HIVEP3: variants seen among roughly 807,000 people sequenced by gnomAD.
HIVEP3 encodes the protein transcription factor HIVEP3.
In HIVEP3, 49 loss-of-function variants were observed where a neutral mutation model predicts 152.8. That is an observed-to-expected ratio of 0.32 (90% confidence interval 0.26 to 0.41). The LOEUF is 0.41. Among genes scored for constraint, HIVEP3 ranks in the 10% least tolerant of loss-of-function variants. HIVEP3 has a pLI of 1.00. For missense variants in HIVEP3, 2,790 were observed against 3,103.3 expected (o/e 0.90, Z 2.40); for synonymous variants, 1,269 against 1,289.0 (o/e 0.98, Z 0.33).
intron 1 of HIVEP3, among the ~76,000 whole-genome samples, chr1:41,901,758 G>A (rs1235020338): frequency 6.6e-6 from 1 of 152,156 alleles, no homozygotes; most frequent in African/African-American, 2.4e-5. Flanking sequence ...GTGACACCAT[G>A]CACACAGCCC....
chr1:41,662,885 C>T lies in HIVEP3; in HGVS notation c.-720-33938G>A, dbSNP rs957401156. On this transcript the variant is annotated intron_variant, in intron 2 of 8. Transcript: ENST00000372583. The surrounding 1 kb of genome is among the most constrained non-coding windows in gnomAD (Gnocchi z 7.2). ...CAAAGTGTGCGCTCCCCGCCTTCCC[C>T]CTGGGTGCCAGCCGGGCTCCGGGAA... 8.5e-5 allele frequency among the ~76,000 whole-genome samples: 13 copies of T among 152,252 alleles called. No individual in the cohort carries two copies. Among genetic ancestry groups the T allele is most frequent in the Admixed American group, 7.8e-4 (12 of 15,306 alleles).
In HIVEP3 at chr1:41,729,368, T is replaced by G. The variant is rs529723021; in HGVS notation, c.-800-28373A>C. On this transcript the variant is annotated intron_variant, in intron 1 of 8. Transcript: ENST00000372583. ...TCCAACTCTGTAAATCAACTGCTCA[T>G]CTGCAAAACTGGCAAGAAACTGAGA... 7.9e-5 allele frequency among the ~76,000 whole-genome samples: 12 copies of G among 152,336 alleles called. No individual in the cohort carries two copies. In the East Asian group the frequency reaches 2.3e-3, roughly 29 times the overall value.
intron 2 of HIVEP3, among the ~76,000 whole-genome samples, chr1:41,677,137 A>T (rs1379977427): frequency 6.6e-6 from 1 of 152,186 alleles, no homozygotes; most frequent in African/African-American, 2.4e-5. Flanking sequence ...GAGCTCCACC[A>T]CCTACTCATC....
rs748559525 is a variant in HIVEP3 at position 41,534,932 on chromosome 1, G to A, written c.5208-10022C>T. ...CTTGGTTCTGCTCTTGTTGGAACTC[G>A]CCAGGTGACCTTGGGCAAGTCACTT... On this transcript the variant is annotated intron_variant, in intron 5 of 8. Coordinates refer to ENST00000372583, the MANE Select transcript of HIVEP3 (RefSeq NM_024503.5). Among the ~76,000 whole-genome samples, 5 of 152,172 alleles carry A rather than the reference G, an allele frequency of 3.3e-5. No homozygotes were observed. In the South Asian group the frequency reaches 6.2e-4, roughly 19 times the overall value.
intron 1 of HIVEP3, among the ~76,000 whole-genome samples, chr1:41,814,015 A>G (rs1321862129): frequency 6.6e-6 from 1 of 151,294 alleles, no homozygotes; most frequent in Non-Finnish European, 1.5e-5. Flanking sequence ...CCTCCTCCCC[A>G]CCCCTACACG....
intron 1 of HIVEP3, among the ~76,000 whole-genome samples, chr1:41,903,343 T>G (rs1264420540): frequency 6.6e-6 from 1 of 152,200 alleles, no homozygotes; most frequent in East Asian, 1.9e-4. Context: ...GCTGCCAGAC[T>G]CTCTGTGCCT....
In HIVEP3 at chr1:41,662,240, G is replaced by T. The variant is rs1645726162; in HGVS notation, c.-720-33293C>A. On this transcript the variant is annotated intron_variant, in intron 2 of 8. Transcript: ENST00000372583. This position sits in a 1 kb window ranked among gnomAD's most constrained non-coding sequence, Gnocchi z 7.2. ...CCGCGCGGCTCGGCAGCGCCCGCGC[G>T]CTCGGCTCCGCCCGGCTCGGCTCCG... 6.9e-6 allele frequency: 1 copy of T among 144,022 alleles called. No individual in the cohort carries two copies. Among genetic ancestry groups the T allele is most frequent in the Non-Finnish European group, 1.6e-5 (1 of 64,318 alleles). 8.9% of individuals were successfully genotyped at this position (144,022 alleles called of 1,614,324 possible).
chr1:41,824,798 GAGAGAGAGAGAGAGAGAGAGAA>G (rs1274513421), intron 1 of HIVEP3, among the ~76,000 whole-genome samples: 7,660 of 24,728 alleles, frequency 0.31, 420 homozygotes, highest in East Asian at 0.44. Flanking sequence ...GAGAGAGAGA[GAGAGAGAGAGAGAGAGAGAGAA>G]AGAGAGAGAG....
intron 2 of HIVEP3, among the ~76,000 whole-genome samples, chr1:41,659,815 C>T (rs1645684886): frequency 6.6e-6 from 1 of 152,268 alleles, no homozygotes; most frequent in African/African-American, 2.4e-5. Context: ...CTGCAAAGCA[C>T]TCCCACATGC....
intron 1 of HIVEP3, among the ~76,000 whole-genome samples, chr1:41,727,582 G>A (rs1163596633): frequency 6.6e-6 from 1 of 152,274 alleles, no homozygotes; most frequent in African/African-American, 2.4e-5. Context: ...TCCAGAGGAA[G>A]TGGCTGAGGG....
intron 1 of HIVEP3, among the ~76,000 whole-genome samples, chr1:41,950,144 A>G (rs982580592): frequency 6.6e-6 from 1 of 152,188 alleles, no homozygotes; most frequent in African/African-American, 2.4e-5. Context: ...CTAATTAGGC[A>G]AAAACAGGAG....
At chr1:41,966,475 C>T (rs377294669) in intron 1 of HIVEP3, among the ~76,000 whole-genome samples, 141 of 95,752 alleles carry the variant, frequency 1.5e-3, no homozygotes, top group Middle Eastern at 0.011. Context: ...GTGCTGTATT[C>T]TTTTTTTTTT....
chr1:41,956,375 T>C (rs1645140567), intron 1 of HIVEP3, among the ~76,000 whole-genome samples: 1 of 152,132 alleles, frequency 6.6e-6, no homozygotes, highest in African/African-American at 2.4e-5. Context: ...TGTGAGTTCT[T>C]AGGAGAAATG....
At position 41,530,854 on chromosome 1, in the gene HIVEP3, T is replaced by C. The variant is rs547981553; in HGVS notation, c.5208-5944A>G. ...GTCTTTCCAAATGGAGAGAGAGAGATAGGAAGGGGAGGGAGAGAGAGGACT... is the reference window on the plus strand; with the variant it reads ...GTCTTTCCAAATGGAGAGAGAGAGACAGGAAGGGGAGGGAGAGAGAGGACT... On this transcript the variant is annotated intron_variant, in intron 5 of 8. Transcript: ENST00000372583. Among the ~76,000 whole-genome samples the C allele has an allele frequency of 5.3e-5, 8 of 152,100 alleles. No individual in the cohort carries two copies. The East Asian group carries it at 9.7e-4, about 18-fold the overall frequency.
chr1:41,989,321 TATC>T lies in HIVEP3; in HGVS notation n.119+46483_119+46485del, dbSNP rs543746805. On this transcript the variant is annotated intron_variant and non_coding_transcript_variant, in intron 1 of 3. Coordinates refer to the HIVEP3 transcript ENST00000489103. The stretch of plus-strand genomic sequence containing the variant: ...GTACATATATATATACATCACAAAA[TATC>T]ATACTGTACATCATAAATATGTACA... 5.3e-3 allele frequency among the ~76,000 whole-genome samples: 807 copies of T among 152,252 alleles called. 1 individual carries two copies. Among genetic ancestry groups the T allele is most frequent in the Non-Finnish European group, 8.6e-3 (586 of 68,012 alleles).
chr1:41,572,271 C>T (rs1570356), intron 5 of HIVEP3, among the ~76,000 whole-genome samples: 60,731 of 152,014 alleles, frequency 0.4, 12,158 homozygotes, highest in East Asian at 0.52. Flanking sequence ...GAGATGAGGC[C>T]TGGGGCTAAG....
intron 1 of HIVEP3, among the ~76,000 whole-genome samples, chr1:41,834,307 A>C (rs922605698): frequency 3.9e-5 from 6 of 152,162 alleles, no homozygotes; most frequent in Non-Finnish European, 2.9e-5. Context: ...CCACTCTCTC[A>C]GGGGAAGGGG....
chr1:41,966,819 G>A (rs1254428446), intron 1 of HIVEP3, among the ~76,000 whole-genome samples: 1 of 151,838 alleles, frequency 6.6e-6, no homozygotes, highest in Non-Finnish European at 1.5e-5. Context: ...CACAGGCAAA[G>A]ACATACATAG....
At chr1:41,938,587 C>T (rs1282063169) in intron 1 of HIVEP3, among the ~76,000 whole-genome samples, 2 of 152,172 alleles carry the variant, frequency 1.3e-5, no homozygotes, top group African/African-American at 2.4e-5. Flanking sequence ...AGAGGAAGAG[C>T]AAGTCCAGAA....
Sources: allele counts gnomAD v4.1 joint callset (sites outside exome capture counted in the v4.1 genomes callset), GRCh38; gene constraint gnomAD v4.1.1; non-coding constraint Gnocchi (gnomAD v3.1); transcripts MANE v1.5; gene names NCBI Gene and HGNC (gene_info 2026-07-23, HGNC 2026-07-21).